KDELR2: variants seen among roughly 807,000 people sequenced by gnomAD.
KDELR2 encodes KDEL endoplasmic reticulum protein retention receptor 2, also known as ER lumen protein-retaining receptor 2.
A neutral mutation model predicts 23.9 loss-of-function variants in KDELR2; 15 were observed. The observed-to-expected ratio is 0.63, with a 90% confidence interval of 0.42 to 0.97. KDELR2 has a LOEUF of 0.97. Ranked by LOEUF, KDELR2 falls within the 50% of genes least tolerant of loss-of-function variation. The pLI is 0.00. For missense variants in KDELR2, 272 were observed against 254.6 expected (o/e 1.07, Z -0.46); for synonymous variants, 119 against 106.2 (o/e 1.12, Z -0.74).
chr7:6,468,709 G>A (rs1013075573), intron 3 of KDELR2, among the ~76,000 whole-genome samples: 1 of 151,950 alleles, frequency 6.6e-6, no homozygotes, highest in Admixed American at 6.6e-5. Context: ...GTTTCACCGT[G>A]TTAGCTGGAT....
At position 6,483,717 on chromosome 7, in the gene KDELR2, G is replaced by A. The variant is rs376176215; in HGVS notation, c.91+250C>T. 6.6e-4 allele frequency among the ~76,000 whole-genome samples: 100 copies of A among 152,322 alleles called. No homozygotes were observed. The East Asian group carries it at 8.9e-3, about 14-fold the overall frequency. Reference sequence around the variant, plus strand: ...AGCAGGGCCCCGCGCAGCCGGGTGCGCTCCGACAGCTCAAGTTCACGCGGG... The same window carrying A: ...AGCAGGGCCCCGCGCAGCCGGGTGCACTCCGACAGCTCAAGTTCACGCGGG... On this transcript the variant is annotated intron_variant, in intron 1 of 4. Transcript: ENST00000258739.
Position 6,469,717 on chromosome 7 carries a change from A to G in KDELR2, c.230T>C (p.Leu77Pro). ...GGTTGCCTTAAATTTCAGGTAGATC[A>G]GGTACACTGTGGCATAGGAGCAGGC... ...YLACSYATVY[L>P]IYLKFKATYD... The change falls in exon 3 of 5, where the codon CTG becomes CCG. Residue 77 changes from leucine to proline, a missense_variant. Coordinates refer to ENST00000258739, the MANE Select transcript of KDELR2 (RefSeq NM_006854.4). 6.2e-7 allele frequency: 1 copy of G among 1,614,156 alleles called. No homozygotes were observed. Among genetic ancestry groups the G allele is most frequent in the Non-Finnish European group, 8.5e-7 (1 of 1,179,974 alleles).
intron 4 of KDELR2, among the ~76,000 whole-genome samples, chr7:6,463,703 G>A (rs146917585): frequency 2.6e-5 from 4 of 151,676 alleles, no homozygotes; most frequent in Non-Finnish European, 5.9e-5. Context: ...TCACACCACT[G>A]CATTCTTGCA....
intron 2 of KDELR2, among the ~76,000 whole-genome samples, chr7:6,470,822 T>C (rs1356789208): frequency 2.0e-5 from 3 of 152,130 alleles, no homozygotes; most frequent in Non-Finnish European, 4.4e-5. Context: ...CTTAAATGTA[T>C]AGCTCATGTT....
chr7:6,481,844 T>C (rs895016813), intron 1 of KDELR2, among the ~76,000 whole-genome samples: 1 of 152,198 alleles, frequency 6.6e-6, no homozygotes, highest in African/African-American at 2.4e-5. Context: ...TAGACATTCA[T>C]CTATCCAATC....
At chr7:6,473,066 C>T (rs923904640) in intron 2 of KDELR2, among the ~76,000 whole-genome samples, 10 of 145,672 alleles carry the variant, frequency 6.9e-5, no homozygotes, top group Admixed American at 6.5e-4. Context: ...TGCCACCATG[C>T]CTGGCTAATT....
chr7:6,470,067 A>G (rs116491029), intron 2 of KDELR2: 434 of 200,898 alleles, frequency 2.2e-3, no homozygotes, highest in Middle Eastern at 8.1e-3. Flanking sequence ...TTCTCTGTCC[A>G]TAGTTTTGCC....
At chr7:6,482,098 G>A (rs983342376) in intron 1 of KDELR2, among the ~76,000 whole-genome samples, 2 of 152,092 alleles carry the variant, frequency 1.3e-5, no homozygotes, top group Non-Finnish European at 2.9e-5. Flanking sequence ...CGCCTCCCAG[G>A]TTCAAGCAAT....
chr7:6,474,011 G>A (rs1051481072), intron 2 of KDELR2, 173 bp downstream of exon 2: 10 of 476,022 alleles, frequency 2.1e-5, no homozygotes, highest in Admixed American at 3.7e-5. Context: ...CTGATAGCTC[G>A]TTTAGTCCCA....
At chr7:6,464,582 C>T (rs1334736568) in intron 4 of KDELR2, among the ~76,000 whole-genome samples, 3 of 152,018 alleles carry the variant, frequency 2.0e-5, no homozygotes, top group African/African-American at 7.2e-5. Flanking sequence ...ATCTCAGCTA[C>T]TCGGGAGGCT....
At chr7:6,478,157 C>T (rs1429938448) in intron 1 of KDELR2, among the ~76,000 whole-genome samples, 7 of 151,754 alleles carry the variant, frequency 4.6e-5, no homozygotes, top group Non-Finnish European at 7.4e-5. Flanking sequence ...GCTTGCCCGC[C>T]CCCCGGTTTT....
intron 1 of KDELR2, among the ~76,000 whole-genome samples, chr7:6,483,015 AAAAT>A (rs1785937533): frequency 6.6e-6 from 1 of 151,942 alleles, no homozygotes; most frequent in Non-Finnish European, 1.5e-5. Context: ...CAAAAAAAAA[AAAAT>A]AAGTTAAAAA....
chr7:6,484,004 G>A lies in KDELR2; in HGVS notation c.54C>T (p.Ile18=), dbSNP rs751852642. ...GCGTCTTCCAGATCTTCAGCAGCAG[G>A]ATGACGATGGCCGCCAGGTGGGACA... The part of the protein sequence containing the change: ...GDLSHLAAIV[I]LLLKIWKTRS... Residue 18 remains isoleucine (I), a synonymous_variant, in exon 1 of 5, where the codon ATC becomes ATT. Coordinates refer to ENST00000258739, the MANE Select transcript of KDELR2 (RefSeq NM_006854.4). 12 of 1,531,174 alleles carry A rather than the reference G, an allele frequency of 7.8e-6. No individual in the cohort carries two copies. In the South Asian group the frequency reaches 9.4e-5, roughly 12 times the overall value. The allele number at this position is 1,531,174 out of a possible 1,614,324, so 94.8% of individuals were successfully genotyped here. A position where few individuals can be genotyped will look rare whatever the true frequency, so the allele number is the denominator to read the frequency against.
rs1785407860 is a variant in KDELR2 at position 6,462,387 on chromosome 7, A to G, written c.*754T>C. 1 of 152,810 alleles carries G rather than the reference A, an allele frequency of 6.5e-6. No individual in the cohort carries two copies. The highest frequency in any genetic ancestry group is 2.4e-5 in the African/African-American group (1 of 41,464). 9.5% of individuals were successfully genotyped at this position (152,810 alleles called of 1,614,324 possible). ...CCCTCCCATCCCACACTCAGATGGA[A>G]AGCAGCCAGAACCCCTGCCACTGGA... On this transcript the variant is annotated 3_prime_UTR_variant, in exon 5 of 5. Coordinates refer to ENST00000258739, the MANE Select transcript of KDELR2 (RefSeq NM_006854.4).
rs768148995 is a variant in KDELR2 at position 6,483,931 on chromosome 7, C to A, written c.91+36G>T. 32 of 1,441,160 alleles carry A rather than the reference C, an allele frequency of 2.2e-5. No homozygotes were observed. The East Asian group carries it at 9.1e-4, about 41-fold the overall frequency. The allele number at this position is 1,441,160 out of a possible 1,614,324, so 89.3% of individuals were successfully genotyped here. On this transcript the variant is annotated intron_variant, in intron 1 of 4. Coordinates refer to ENST00000258739, the MANE Select transcript of KDELR2 (RefSeq NM_006854.4). ...GGTCCTCGGCGAGACCCGGCCCCCA[C>A]GCCCGAGCCTCTCCGGGCCTTCCCC...
rs1029421085 is a variant in KDELR2, at chr7:6,461,387, CAA to C, written c.*1752_*1753del. On this transcript the variant is annotated 3_prime_UTR_variant, in exon 5 of 5. Transcript: ENST00000258739. ...GCCAGGTGTATCAGATTTGCATGCACAAAGACAGGTGTGCGCCCCACCCACCC... is the reference window on the plus strand; with the variant it reads ...GCCAGGTGTATCAGATTTGCATGCACAGACAGGTGTGCGCCCCACCCACCC... 3 of 151,952 alleles carry C rather than the reference CAA, an allele frequency of 2.0e-5. No individual in the cohort carries two copies. The highest frequency in any genetic ancestry group is 4.8e-5 in the African/African-American group (2 of 41,354). The allele number at this position is 151,952 out of a possible 1,614,324, so 9.4% of individuals were successfully genotyped here.
intron 2 of KDELR2, among the ~76,000 whole-genome samples, chr7:6,473,135 C>G (rs1402886827): frequency 1.5e-5 from 2 of 131,760 alleles, no homozygotes; most frequent in Non-Finnish European, 3.1e-5. Context: ...GTTGCTCAGG[C>G]TGGTCTCGGA....
rs1239248490 is a variant in KDELR2 at position 6,462,233 on chromosome 7, G to A, written c.*908C>T. ...TCATCTTACCACCCAAAAGTGATAT[G>A]GAAAACTGTTTGAATCTGAGCATGG... On this transcript the variant is annotated 3_prime_UTR_variant, in exon 5 of 5. Coordinates refer to ENST00000258739, the MANE Select transcript of KDELR2 (RefSeq NM_006854.4). 2 of 152,054 alleles carry A rather than the reference G, an allele frequency of 1.3e-5. No homozygotes were observed. Among genetic ancestry groups the A allele is most frequent in the Non-Finnish European group, 2.9e-5 (2 of 68,024 alleles). 9.4% of individuals were successfully genotyped at this position (152,054 alleles called of 1,614,324 possible). A position where few individuals can be genotyped will look rare whatever the true frequency, so the allele number is the denominator to read the frequency against.
chr7:6,480,891 A>G (rs1785873596), intron 1 of KDELR2, among the ~76,000 whole-genome samples: 1 of 152,242 alleles, frequency 6.6e-6, no homozygotes, highest in Admixed American at 6.5e-5. Context: ...GAAAACACAC[A>G]AACCAGGACA....
Sources: allele counts gnomAD v4.1 joint callset (sites outside exome capture counted in the v4.1 genomes callset), GRCh38; gene constraint gnomAD v4.1.1; transcripts MANE v1.5; gene names NCBI Gene and HGNC (gene_info 2026-07-23, HGNC 2026-07-21).